Variants in SEL1L3 observed in about 807,000 individuals in gnomAD.
The protein encoded by SEL1L3 is protein sel-1 homolog 3.
SEL1L3 carries 76 observed loss-of-function variants against 142.8 expected under a neutral mutation model. The observed-to-expected ratio is 0.53, with a 90% CI of 0.44 to 0.64. The LOEUF (loss-of-function observed/expected upper bound fraction) is 0.64, where lower values mean the gene tolerates loss of function less well. Among genes scored for constraint, SEL1L3 ranks in the 30% least tolerant of loss-of-function variants. The pLI is 0.00. For missense variants in SEL1L3, 1,262 were observed against 1,381.7 expected, an observed-to-expected ratio of 0.91 and a Z score of 1.37; for synonymous variants, 504 against 519.6, an observed-to-expected ratio of 0.97 and a Z score of 0.41.
intron 11 of SEL1L3, among the ~76,000 whole-genome samples, chr4:25,795,059 G>GT (rs1712623156): frequency 6.7e-6 from 1 of 150,024 alleles, no homozygotes; most frequent in African/African-American, 2.5e-5. Context: ...CTCTTGGGGG[G>GT]TGGGGGGGAG....
chr4:25,766,259 T>C (rs1718720036), intron 19 of SEL1L3, among the ~76,000 whole-genome samples: 1 of 151,960 alleles, frequency 6.6e-6, no homozygotes, highest in South Asian at 2.1e-4. Context: ...GCTAACATGG[T>C]GAAATCCCAC....
chr4:25,855,391 A>C (rs1278865595), intron 1 of SEL1L3, among the ~76,000 whole-genome samples: 1 of 152,208 alleles, frequency 6.6e-6, no homozygotes, highest in African/African-American at 2.4e-5. Flanking sequence ...AGTCCATGTC[A>C]TTGTTATGTT....
At chr4:25,741,361 A>T in the SEL1L3 span, among the ~76,000 whole-genome samples, 1 of 152,186 alleles carries the variant, frequency 6.6e-6, no homozygotes, top group East Asian at 1.9e-4. Context: ...TCAGCCTCCC[A>T]AAGTGCTGGG....
chr4:25,750,892 G>A lies in SEL1L3; in HGVS notation c.3260-2328C>T, dbSNP rs77607006. Among the ~76,000 whole-genome samples, 357 of 152,328 alleles carry A rather than the reference G, an allele frequency of 2.3e-3. 1 individual carries two copies. The highest frequency in any genetic ancestry group is 4.4e-3 in the Non-Finnish European group (296 of 68,028). ...GAATGAGTTGTCTTAAATTATAAATGTATTGAATAGGCTGACGTTGGTTTA... is the reference window on the plus strand; with the variant it reads ...GAATGAGTTGTCTTAAATTATAAATATATTGAATAGGCTGACGTTGGTTTA... On this transcript the variant is annotated intron_variant, in intron 23 of 23. Coordinates refer to ENST00000399878, the MANE Select transcript of SEL1L3 (RefSeq NM_015187.5).
chr4:25,785,560 T>C (rs1249868744), intron 13 of SEL1L3, among the ~76,000 whole-genome samples: 1 of 152,212 alleles, frequency 6.6e-6, no homozygotes, highest in African/African-American at 2.4e-5. Flanking sequence ...AAATTACATA[T>C]GCCAAGTTTC....
chr4:25,825,746 C>T (rs1276647224), intron 6 of SEL1L3, among the ~76,000 whole-genome samples: 1 of 140,542 alleles, frequency 7.1e-6, no homozygotes, highest in Non-Finnish European at 1.5e-5. Flanking sequence ...GCAATCTCAG[C>T]TCACTGCAAC....
At chr4:25,771,339 G>A (rs1414962743) in intron 17 of SEL1L3, among the ~76,000 whole-genome samples, 1 of 152,182 alleles carries the variant, frequency 6.6e-6, no homozygotes, top group African/African-American at 2.4e-5. Context: ...GGTGCAGAGA[G>A]GAAGGGATTG....
intron 9 of SEL1L3, among the ~76,000 whole-genome samples, chr4:25,814,765 A>AT (rs372092434): frequency 7.4e-5 from 11 of 148,388 alleles, no homozygotes; most frequent in South Asian, 4.3e-4. Flanking sequence ...ATATAAACTC[A>AT]TTTTTTTTTA....
intron 7 of SEL1L3, among the ~76,000 whole-genome samples, chr4:25,821,458 C>T (rs964017995): frequency 6.6e-6 from 1 of 152,240 alleles, no homozygotes; most frequent in Non-Finnish European, 1.5e-5. Context: ...TGGACAGTTC[C>T]ATTCGGGGGC....
At chr4:25,717,644 C>T in the SEL1L3 span, among the ~76,000 whole-genome samples, 4 of 152,076 alleles carry the variant, frequency 2.6e-5, no homozygotes, top group South Asian at 4.1e-4. Flanking sequence ...CCAGCCTGGG[C>T]GACAGAGCGA....
At chr4:25,800,370 T>C (rs1713091976) in intron 11 of SEL1L3, among the ~76,000 whole-genome samples, 1 of 152,262 alleles carries the variant, frequency 6.6e-6, no homozygotes, top group African/African-American at 2.4e-5. Context: ...AATTCCTATC[T>C]GTGATTCTTA....
the SEL1L3 span, chr4:25,719,435 G>A: frequency 6.6e-6 from 1 of 152,138 alleles, no homozygotes. Context: ...GATTTAAAAA[G>A]TCTGTAGGGA....
downstream of SEL1L3, among the ~76,000 whole-genome samples, chr4:25,746,293 G>A (rs1170091196): frequency 1.3e-5 from 2 of 151,726 alleles, no homozygotes; most frequent in Admixed American, 6.6e-5. Context: ...TGAGGCAGGC[G>A]GATTGCCCGA....
At chr4:25,791,891 G>A (rs1712360091) in intron 11 of SEL1L3, among the ~76,000 whole-genome samples, 1 of 151,428 alleles carries the variant, frequency 6.6e-6, no homozygotes, top group African/African-American at 2.4e-5. Flanking sequence ...CCAGCCTGGC[G>A]GACAGAGCGA....
chr4:25,832,877 G>C (rs1715533210), intron 5 of SEL1L3, 118 bp downstream of exon 5: 1 of 644,836 alleles, frequency 1.6e-6, no homozygotes, highest in African/African-American at 1.8e-5. Context: ...GTTGTAACGA[G>C]TCTATCATTT....
At chr4:25,833,366 T>G (rs1169011877) in intron 4 of SEL1L3, 82 bp downstream of exon 4, 1 of 1,348,566 alleles carries the variant, frequency 7.4e-7, no homozygotes, top group African/African-American at 1.5e-5. Context: ...AGGATCTTCC[T>G]TATTCTAGAC....
At chr4:25,817,748 C>CT (rs144344000) in intron 9 of SEL1L3, among the ~76,000 whole-genome samples, 1,567 of 151,656 alleles carry the variant, frequency 0.01, 23 homozygotes, top group African/African-American at 0.035. Context: ...TTTTTTTCTT[C>CT]TTTTTTTTTA....
chr4:25,798,894 T>C (rs1199866116), intron 11 of SEL1L3, among the ~76,000 whole-genome samples: 1 of 152,110 alleles, frequency 6.6e-6, no homozygotes, highest in African/African-American at 2.4e-5. Flanking sequence ...AGGGCTGCCA[T>C]AACAAAGATC....
At chr4:25,839,169 G>C (rs1716016627) in intron 2 of SEL1L3, among the ~76,000 whole-genome samples, 1 of 152,166 alleles carries the variant, frequency 6.6e-6, no homozygotes, top group South Asian at 2.1e-4. Context: ...GGCCAATAAG[G>C]TGTTTAATTT....
Sources: allele counts gnomAD v4.1 joint callset (sites outside exome capture counted in the v4.1 genomes callset), GRCh38; gene constraint gnomAD v4.1.1; transcripts MANE v1.5; gene names NCBI Gene and HGNC (gene_info 2026-07-23, HGNC 2026-07-21).